The following PCSK1 variants were observed in gnomAD, a reference collection of about 807,000 sequenced individuals.
PCSK1 encodes proprotein convertase subtilisin/kexin type 1, also known as neuroendocrine convertase 1.
A neutral mutation model predicts 90.6 loss-of-function variants in PCSK1; 56 were observed. That is an observed-to-expected ratio of 0.62 (90% CI 0.50 to 0.77). The LOEUF (loss-of-function observed/expected upper bound fraction) is 0.77. Among genes scored for constraint, PCSK1 ranks in the 30% least tolerant of loss-of-function variants. The probability of loss-of-function intolerance (pLI) is 0.00; values close to 1 mark genes in which losing one functional copy is unlikely to be tolerated. For missense variants in PCSK1, 801 were observed against 932.6 expected, an observed-to-expected ratio of 0.86 and a Z score of 1.84; for synonymous variants, 348 against 342.4, an observed-to-expected ratio of 1.02 and a Z score of -0.18.
intron 9 of PCSK1, among the ~76,000 whole-genome samples, chr5:96,400,388 A>G (rs1760314496): frequency 6.6e-6 from 1 of 152,234 alleles, no homozygotes; most frequent in South Asian, 2.1e-4. Context: ...TCCCTGTAAC[A>G]TATAAGTTAT....
chr5:96,396,629 C>T (rs550443001), intron 12 of PCSK1, among the ~76,000 whole-genome samples: 1 of 151,734 alleles, frequency 6.6e-6, no homozygotes, highest in East Asian at 1.9e-4. Context: ...ACTTTTGTCA[C>T]AGAAGAACTC....
intron 4 of PCSK1, among the ~76,000 whole-genome samples, chr5:96,422,617 C>A (rs150063843): frequency 9.9e-5 from 15 of 152,216 alleles, no homozygotes; most frequent in African/African-American, 3.6e-4. Flanking sequence ...TACTATTTTT[C>A]CTTCTCTTTT....
At chr5:96,400,717 C>T (rs1201060099) in intron 9 of PCSK1, among the ~76,000 whole-genome samples, 2 of 152,162 alleles carry the variant, frequency 1.3e-5, no homozygotes, top group Non-Finnish European at 2.9e-5. Context: ...AAACTCTTAG[C>T]TATTTGAGCT....
intron 2 of PCSK1, among the ~76,000 whole-genome samples, chr5:96,426,898 C>T (rs1227301307): frequency 1.3e-5 from 2 of 152,108 alleles, no homozygotes; most frequent in Admixed American, 6.6e-5. Context: ...TACTGCAAAC[C>T]TATTAAAAAT....
At chr5:96,424,787 A>G (rs1761229699) in intron 3 of PCSK1, among the ~76,000 whole-genome samples, 1 of 151,772 alleles carries the variant, frequency 6.6e-6, no homozygotes, top group African/African-American at 2.4e-5. Flanking sequence ...ATGTGACAAA[A>G]CCCCATCTCT....
intron 6 of PCSK1, among the ~76,000 whole-genome samples, chr5:96,412,750 A>ATT (rs1451878228): frequency 1.6e-5 from 1 of 63,386 alleles, no homozygotes; most frequent in African/African-American, 7.9e-5. Flanking sequence ...GGCAGCTGTG[A>ATT]TGTTTTTTTT....
rs59466438 is a variant in PCSK1 at position 96,399,107 on chromosome 5, T to C, written c.1431-71A>G. ...TCCTTGCATTTTATGCATATCTGCA[T>C]GCATCAATCTTGACTAGATGCTCAA... On this transcript the variant is annotated intron_variant, in intron 10 of 13. Coordinates refer to ENST00000311106, the MANE Select transcript of PCSK1 (RefSeq NM_000439.5). 9,057 of 1,112,454 alleles carry C rather than the reference T, an allele frequency of 8.1e-3. 538 individuals are homozygous for C. In the African/African-American group the frequency reaches 0.12, roughly 15 times the overall value. The allele number at this position is 1,112,454 out of a possible 1,614,324, so 68.9% of individuals were successfully genotyped here.
rs775645769 is a variant in PCSK1, at chr5:96,395,046, C to G, written c.1723-21G>C. Reference sequence around the variant, plus strand: ...CCAGACTAACAAATAAGCATACCTACATTTAGTATGTGTTTTAGATAATAT... The same window carrying G: ...CCAGACTAACAAATAAGCATACCTAGATTTAGTATGTGTTTTAGATAATAT... On this transcript the variant is annotated intron_variant, in intron 12 of 13. Coordinates refer to ENST00000311106, the MANE Select transcript of PCSK1 (RefSeq NM_000439.5). The G allele has an allele frequency of 2.5e-5, 40 of 1,569,604 alleles. 1 individual carries two copies. The highest frequency in any genetic ancestry group is 4.0e-5 in the African/African-American group (3 of 74,080).
At chr5:96,405,799 G>T (rs1440512680) in intron 9 of PCSK1, among the ~76,000 whole-genome samples, 1 of 152,142 alleles carries the variant, frequency 6.6e-6, no homozygotes, top group East Asian at 1.9e-4. Context: ...CATAAAATTG[G>T]CATTACTTCT....
chr5:96,429,354 C>T (rs776050328), intron 1 of PCSK1, 37 bp from the exon 2 acceptor site: 10 of 1,169,652 alleles, frequency 8.5e-6, no homozygotes, highest in South Asian at 4.9e-5. Context: ...TATCCACGTT[C>T]CCAAACAAGT....
intron 1 of PCSK1, chr5:96,431,986 C>A: frequency 1.2e-6 from 1 of 821,870 alleles, no homozygotes; most frequent in South Asian, 1.4e-5. Flanking sequence ...CACTTAATGT[C>A]TTGACGCCCA....
intron 3 of PCSK1, among the ~76,000 whole-genome samples, chr5:96,425,048 G>GAAAGAAAGAAAA (rs1554059781): frequency 1.0e-4 from 13 of 123,974 alleles, no homozygotes; most frequent in Middle Eastern, 4.1e-3. Flanking sequence ...AAGAAAGAAA[G>GAAAGAAAGAAAA]AAAGAAAGAA....
In PCSK1 at chr5:96,391,436, G is replaced by A. The variant is rs1759933986; in HGVS notation, c.*1565C>T. On this transcript the variant is annotated 3_prime_UTR_variant, in exon 14 of 14. Transcript: ENST00000311106. Reference sequence around the variant, plus strand: ...ACTGGAGACTTTGTAAGCATATTGAGAGAAGGAAGCCAGAAGGTTAGTAAT... The same window carrying A: ...ACTGGAGACTTTGTAAGCATATTGAAAGAAGGAAGCCAGAAGGTTAGTAAT... The A allele has an allele frequency of 6.6e-6, 1 of 152,196 alleles. No homozygotes were observed. The highest frequency in any genetic ancestry group is 1.5e-5 in the Non-Finnish European group (1 of 68,038). 9.4% of individuals were successfully genotyped at this position (152,196 alleles called of 1,614,324 possible). A position where few individuals can be genotyped will look rare whatever the true frequency, so the allele number is the denominator to read the frequency against.
At chr5:96,427,451 A>C (rs910763969) in intron 2 of PCSK1, among the ~76,000 whole-genome samples, 8 of 152,200 alleles carry the variant, frequency 5.3e-5, no homozygotes, top group Admixed American at 2.6e-4. Context: ...AAGATCATCT[A>C]ATTCAACCTT....
In PCSK1 at chr5:96,421,858, A is replaced by G. The variant is rs751867232; in HGVS notation, c.620+22T>C. The stretch of plus-strand genomic sequence containing the variant: ...AAAGCATTGTAAAGTACTTTATTTC[A>G]CACAAATGCATATTTACTCACTTGT... On this transcript the variant is annotated intron_variant, in intron 5 of 13. Transcript: ENST00000311106. 2.4e-6 allele frequency: 3 copies of G among 1,258,700 alleles called. No individual in the cohort carries two copies. The South Asian group carries it at 3.6e-5, about 15-fold the overall frequency. The allele number at this position is 1,258,700 out of a possible 1,614,324, so 78.0% of individuals were successfully genotyped here. A position where few individuals can be genotyped will look rare whatever the true frequency, so the allele number is the denominator to read the frequency against.
intron 10 of PCSK1, among the ~76,000 whole-genome samples, 159 bp downstream of exon 10, chr5:96,399,794 T>C (rs1483435678): frequency 2.6e-5 from 4 of 152,124 alleles, no homozygotes; most frequent in Non-Finnish European, 5.9e-5. Flanking sequence ...AGCTTTGGTC[T>C]CTTAGTTAGT....
At position 96,433,039 on chromosome 5, in the gene PCSK1, C is replaced by T. The variant is rs773338510; in HGVS notation, c.4G>A (p.Glu2Lys). 5.0e-6 allele frequency: 8 copies of T among 1,613,912 alleles called. No individual in the cohort carries two copies. The South Asian group carries it at 8.8e-5, about 18-fold the overall frequency. Residue 2 changes from glutamate (E) to lysine (K), a missense_variant, in exon 1 of 14, where the codon GAG becomes AAG. Physicochemically the swap from Glu to Lys is moderately conservative, Grantham distance 56 (BLOSUM62 1). Transcript: ENST00000311106. M[E>K]RRAWSLQCTA... Reference sequence around the variant, plus strand: ...CACTGCAGACTCCAGGCTCTTCGCTCCATAGCTCACACACTCGCTTGAACA... The same window carrying T: ...CACTGCAGACTCCAGGCTCTTCGCTTCATAGCTCACACACTCGCTTGAACA...
In PCSK1 at chr5:96,432,849, G is replaced by A; in HGVS notation, c.180+14C>T. The A allele has an allele frequency of 6.2e-7, 1 of 1,611,510 alleles. No individual in the cohort carries two copies. On this transcript the variant is annotated intron_variant, in intron 1 of 13. Transcript: ENST00000311106. Reference sequence around the variant, plus strand: ...TGGGGCCCCAGAAAGTTTCTTGAAAGTGGAAACTCTTACCTGACCCAAAAG... The same window carrying A: ...TGGGGCCCCAGAAAGTTTCTTGAAAATGGAAACTCTTACCTGACCCAAAAG...
chr5:96,431,327 T>A (rs1761487880), intron 1 of PCSK1, among the ~76,000 whole-genome samples: 1 of 152,244 alleles, frequency 6.6e-6, no homozygotes, highest in Non-Finnish European at 1.5e-5. Context: ...TGGCAACCTT[T>A]GACTTCTGTT....
Sources: gnomAD v4.1 joint callset for allele counts (sites outside exome capture counted in the v4.1 genomes callset) on GRCh38, gnomAD v4.1.1 for gene constraint, MANE v1.5 for transcripts, NCBI Gene and HGNC (gene_info 2026-07-23, HGNC 2026-07-21) for gene names.